ADGRL2: variants seen among roughly 807,000 people sequenced by gnomAD.
The protein encoded by ADGRL2 is calcium-independent alpha-latrotoxin receptor 2.
Under a neutral mutation model 157.4 loss-of-function variants are expected in ADGRL2, and 44 were observed. The ratio of observed to expected loss-of-function variants is 0.28; its 90% CI spans 0.22 to 0.36. The LOEUF (loss-of-function observed/expected upper bound fraction) is 0.36, where lower values mean the gene tolerates loss of function less well. Ranked by LOEUF, ADGRL2 falls within the 10% of genes least tolerant of loss-of-function variation. ADGRL2 has a pLI of 1.00. For synonymous variants in ADGRL2, 585 were observed against 624.7 expected (o/e 0.94, Z 0.95); for missense variants, 1,510 against 1,768.9 (o/e 0.85, Z 2.63).
intron 3 of ADGRL2, among the ~76,000 whole-genome samples, chr1:81,631,344 G>A (rs1293008268): frequency 6.6e-6 from 1 of 151,984 alleles, no homozygotes; most frequent in African/African-American, 2.4e-5. Flanking sequence ...AGCTTCCCGA[G>A]TAGCTGGAAT....
intron 1 of ADGRL2, among the ~76,000 whole-genome samples, chr1:81,374,135 G>C (rs1294368038): frequency 6.6e-6 from 1 of 152,058 alleles, no homozygotes; most frequent in Non-Finnish European, 1.5e-5. Context: ...GAACATGTAA[G>C]CTTAGCTATA....
intron 2 of ADGRL2, among the ~76,000 whole-genome samples, chr1:81,902,984 TATTA>T (rs1167734818): frequency 6.6e-6 from 1 of 152,230 alleles, no homozygotes; most frequent in Non-Finnish European, 1.5e-5. Context: ...GCAAGTTGTT[TATTA>T]ATTATCGATC....
chr1:81,444,847 A>G (rs2077572264), intron 1 of ADGRL2, among the ~76,000 whole-genome samples: 1 of 152,206 alleles, frequency 6.6e-6, no homozygotes, highest in African/African-American at 2.4e-5. Flanking sequence ...CAGGGACACA[A>G]GCACTAATAT....
intron 3 of ADGRL2, among the ~76,000 whole-genome samples, chr1:81,640,513 T>A (rs1179521006): frequency 6.6e-6 from 1 of 151,790 alleles, no homozygotes; most frequent in African/African-American, 2.4e-5. Flanking sequence ...GTGCCTGTAG[T>A]CCCAGCTACT....
In ADGRL2 at chr1:81,870,463, A is replaced by C. The variant is rs145448976; in HGVS notation, c.73+33406A>C. On this transcript the variant is annotated intron_variant, in intron 2 of 23. Coordinates refer to ENST00000686636, the MANE Select transcript of ADGRL2 (RefSeq NM_001366006.2). ...AATTGCAAGGATCAATTTTAAAATAAAACCAAGGTAGATATGGAAACTTTT... is the reference window on the plus strand; with the variant it reads ...AATTGCAAGGATCAATTTTAAAATACAACCAAGGTAGATATGGAAACTTTT... Among the ~76,000 whole-genome samples, 183 of 152,256 alleles carry C rather than the reference A, an allele frequency of 1.2e-3. 2 individuals carry two copies. In the East Asian group the frequency reaches 0.028, roughly 23 times the overall value.
At chr1:81,584,331 G>T (rs2080979843) in intron 3 of ADGRL2, among the ~76,000 whole-genome samples, 1 of 151,658 alleles carries the variant, frequency 6.6e-6, no homozygotes, top group African/African-American at 2.4e-5. Context: ...AACTTAAATG[G>T]GATACTTCAA....
intron 2 of ADGRL2, among the ~76,000 whole-genome samples, chr1:81,464,492 A>C (rs2078009315): frequency 6.6e-6 from 1 of 152,156 alleles, no homozygotes; most frequent in African/African-American, 2.4e-5. Flanking sequence ...TTATTAATGA[A>C]CTTCCAGTCG....
At position 81,918,000 on chromosome 1, in the gene ADGRL2, T is replaced by C. The variant is rs183998162; in HGVS notation, c.287+10770T>C. 1.5e-4 allele frequency among the ~76,000 whole-genome samples: 23 copies of C among 152,366 alleles called. No individual in the cohort carries two copies. In the East Asian group the frequency reaches 4.1e-3, roughly 27 times the overall value. ...ATTTAAACACAATCTCTAAAGGCTCTGATTTCATTCTCTGACTTTTCTGAT... is the reference window on the plus strand; with the variant it reads ...ATTTAAACACAATCTCTAAAGGCTCCGATTTCATTCTCTGACTTTTCTGAT... On this transcript the variant is annotated intron_variant, in intron 3 of 23. Transcript: ENST00000686636.
intron 1 of ADGRL2, among the ~76,000 whole-genome samples, chr1:81,412,592 G>T (rs1389665032): frequency 6.6e-6 from 1 of 152,194 alleles, no homozygotes; most frequent in African/African-American, 2.4e-5. Context: ...TGGGGGAAGA[G>T]ACTCCATCTT....
At position 81,589,956 on chromosome 1, in the gene ADGRL2, A is replaced by G. The variant is rs1387071934; in HGVS notation, c.-143+8976A>G. 2.0e-5 allele frequency among the ~76,000 whole-genome samples: 3 copies of G among 152,144 alleles called. No individual in the cohort carries two copies. The East Asian group carries it at 5.8e-4, about 29-fold the overall frequency. ...ATAAGTCTAGATCAGAACTCCATTT[A>G]TTTCCTGACACTTACATGACCATAC... On this transcript the variant is annotated intron_variant, in intron 3 of 24. Transcript: ENST00000370721.
At chr1:81,595,715 C>T (rs1005509249) in intron 3 of ADGRL2, among the ~76,000 whole-genome samples, 21 of 152,134 alleles carry the variant, frequency 1.4e-4, no homozygotes, top group Admixed American at 7.2e-4. Context: ...CATGAGCCTG[C>T]GATATGAATG....
At chr1:81,667,084 G>A (rs1570778249) in intron 3 of ADGRL2, among the ~76,000 whole-genome samples, 1 of 152,102 alleles carries the variant, frequency 6.6e-6, no homozygotes, top group Non-Finnish European at 1.5e-5. Context: ...CTACAAAGAA[G>A]CAATGGGATA....
intron 1 of ADGRL2, among the ~76,000 whole-genome samples, chr1:81,808,771 G>C (rs2089482574): frequency 6.6e-6 from 1 of 151,990 alleles, no homozygotes; most frequent in African/African-American, 2.4e-5. Flanking sequence ...TGGCAATAAA[G>C]TAGCATGGGA....
intron 2 of ADGRL2, among the ~76,000 whole-genome samples, chr1:81,470,367 G>A (rs962075471): frequency 2.0e-5 from 3 of 151,058 alleles, no homozygotes; most frequent in African/African-American, 4.8e-5. Context: ...TCTATCCCCC[G>A]GTGCTCCTGC....
chr1:81,887,128 G>T (rs2151336806), intron 2 of ADGRL2, among the ~76,000 whole-genome samples: 1 of 152,322 alleles, frequency 6.6e-6, no homozygotes, highest in Middle Eastern at 3.4e-3. Flanking sequence ...GATTTGAGAA[G>T]AATTACTGCT....
intron 2 of ADGRL2, among the ~76,000 whole-genome samples, chr1:81,883,436 T>A (rs757759483): frequency 9.2e-5 from 14 of 152,198 alleles, no homozygotes; most frequent in Non-Finnish European, 2.1e-4. Flanking sequence ...ATTGCTTTGA[T>A]GTAGATTTTT....
chr1:81,487,489 A>T (rs2078533623), intron 2 of ADGRL2, among the ~76,000 whole-genome samples: 1 of 152,092 alleles, frequency 6.6e-6, no homozygotes, highest in African/African-American at 2.4e-5. Context: ...TACTAAAAAT[A>T]CAAAAATTAG....
intron 3 of ADGRL2, among the ~76,000 whole-genome samples, chr1:81,909,623 T>C (rs1557891299): frequency 6.6e-6 from 1 of 152,164 alleles, no homozygotes. Context: ...TGTTTTTGAA[T>C]ATTAAGTGAG....
intron 10 of ADGRL2, among the ~76,000 whole-genome samples, 197 bp downstream of exon 10, chr1:81,953,222 C>G (rs1652411210): frequency 6.6e-6 from 1 of 152,162 alleles, no homozygotes; most frequent in Admixed American, 6.5e-5. Context: ...ATGATTTCTG[C>G]TGTTTTTCCA....
Sources: allele counts gnomAD v4.1 joint callset (sites outside exome capture counted in the v4.1 genomes callset), GRCh38; gene constraint gnomAD v4.1.1; transcripts MANE v1.5; gene names NCBI Gene and HGNC (gene_info 2026-07-23, HGNC 2026-07-21).